Variants in KCNQ1 observed in about 807,000 individuals in gnomAD.
The protein encoded by KCNQ1 is potassium voltage-gated channel subfamily KQT member 1.
A neutral mutation model predicts 72.4 loss-of-function variants in KCNQ1; 49 were observed. The observed-to-expected ratio is 0.68, with a 90% CI of 0.54 to 0.86. The LOEUF (loss-of-function observed/expected upper bound fraction) is 0.86. Among genes scored for constraint, KCNQ1 ranks in the 40% least tolerant of loss-of-function variants. The probability of loss-of-function intolerance (pLI) is 0.00; values close to 1 mark genes in which losing one functional copy is unlikely to be tolerated. For missense variants in KCNQ1, 790 were observed against 945.1 expected (o/e 0.84, Z 2.15); for synonymous variants, 450 against 412.6 (o/e 1.09, Z -1.10).
At chr11:2,800,764 A>T (rs1417398685) in intron 15 of KCNQ1, among the ~76,000 whole-genome samples, 2 of 152,196 alleles carry the variant, frequency 1.3e-5, no homozygotes, top group African/African-American at 4.8e-5. Flanking sequence ...GGGGTTCAGG[A>T]GATCCCCATT....
In KCNQ1 at chr11:2,720,725, T is replaced by G. The variant is rs1379863488; in HGVS notation, c.1515-48119T>G. On this transcript the variant is annotated intron_variant, in intron 11 of 15. Coordinates refer to ENST00000155840, the MANE Select transcript of KCNQ1 (RefSeq NM_000218.3). The surrounding 1 kb of genome is among the most constrained non-coding windows in gnomAD (Gnocchi z 5.1). ...CTTTTGCAGGGCGGCTCCCAGAACCTAGGAGTCCATGCTACCTGTGGGGTT... is the reference window on the plus strand; with the variant it reads ...CTTTTGCAGGGCGGCTCCCAGAACCGAGGAGTCCATGCTACCTGTGGGGTT... Among the ~76,000 whole-genome samples, 1 of 152,148 alleles carries G rather than the reference T, an allele frequency of 6.6e-6. No individual in the cohort carries two copies. Among genetic ancestry groups the G allele is most frequent in the Non-Finnish European group, 1.5e-5 (1 of 68,008 alleles).
Position 2,620,005 on chromosome 11 carries a change from C to A in KCNQ1, c.1393+31151C>A. ...TAGTACCCAATAGGTAGGTTTTCAG[C>A]CCACCTCTCCATTCCTCCCCCAAGT... is the stretch of plus-strand genomic sequence containing the variant. On this transcript the variant is annotated intron_variant, in intron 10 of 15. Coordinates refer to ENST00000155840, the MANE Select transcript of KCNQ1 (RefSeq NM_000218.3). This position sits in a 1 kb window ranked among gnomAD's most constrained non-coding sequence, Gnocchi z 4.5. The A allele has an allele frequency of 2.5e-6, 1 of 397,924 alleles. No homozygotes were observed. Among genetic ancestry groups the A allele is most frequent in the Non-Finnish European group, 4.4e-6 (1 of 226,046 alleles). 24.6% of individuals were successfully genotyped at this position (397,924 alleles called of 1,614,324 possible).
intron 15 of KCNQ1, among the ~76,000 whole-genome samples, chr11:2,779,054 C>A (rs1485212250): frequency 1.3e-5 from 2 of 152,254 alleles, no homozygotes; most frequent in African/African-American, 4.8e-5. Context: ...TGTTCAGGTG[C>A]CTGGCCCCAT....
chr11:2,553,841 G>A (rs781425673), intron 2 of KCNQ1, among the ~76,000 whole-genome samples: 1 of 151,924 alleles, frequency 6.6e-6, no homozygotes, highest in African/African-American at 2.4e-5. Flanking sequence ...TCAGCCTCCC[G>A]AGTAGCTGGG....
rs1846117989 is a variant in KCNQ1 at position 2,745,172 on chromosome 11, T to C, written c.1515-23672T>C. Among the ~76,000 whole-genome samples the C allele has an allele frequency of 6.6e-6, 1 of 152,224 alleles. No individual in the cohort carries two copies. ...AACTTTAAAGTTAAGTTTATTGCATTTCTTAAAAATTTCAACTGGAAGTTT... is the reference window on the plus strand; with the variant it reads ...AACTTTAAAGTTAAGTTTATTGCATCTCTTAAAAATTTCAACTGGAAGTTT... On this transcript the variant is annotated intron_variant, in intron 11 of 15. Transcript: ENST00000155840. The surrounding 1 kb of genome is among the most constrained non-coding windows in gnomAD (Gnocchi z 6.2).
chr11:2,696,659 C>T (rs774582634), intron 11 of KCNQ1: 10 of 398,528 alleles, frequency 2.5e-5, no homozygotes, highest in Non-Finnish European at 4.4e-5. Flanking sequence ...ATCCTGACGT[C>T]ATTCTAATGC....
At chr11:2,749,649 A>AG (rs1165773389) in intron 11 of KCNQ1, among the ~76,000 whole-genome samples, 1 of 141,620 alleles carries the variant, frequency 7.1e-6, no homozygotes, top group Non-Finnish European at 1.5e-5. Flanking sequence ...TACAAAAAAA[A>AG]AAAAAAAAAA....
At chr11:2,573,326 C>T (rs1349571410) in intron 6 of KCNQ1, among the ~76,000 whole-genome samples, 1 of 152,136 alleles carries the variant, frequency 6.6e-6, no homozygotes, top group East Asian at 1.9e-4. Context: ...CTAGGTTGCC[C>T]ATTCCCTGCC....
intron 11 of KCNQ1, chr11:2,699,621 C>T: frequency 2.8e-6 from 1 of 353,844 alleles, no homozygotes; most frequent in Non-Finnish European, 5.0e-6. Flanking sequence ...CGGAGAGAAC[C>T]GCGCCGAAGA....
chr11:2,533,364 C>T (rs554268057), intron 2 of KCNQ1, among the ~76,000 whole-genome samples: 46 of 152,270 alleles, frequency 3.0e-4, no homozygotes, highest in Admixed American at 1.8e-3. Context: ...GTGAACACCA[C>T]GTCGGAAATC....
At chr11:2,685,732 G>A (rs1006273497) in intron 11 of KCNQ1, 7 of 398,582 alleles carry the variant, frequency 1.8e-5, no homozygotes, top group African/African-American at 6.2e-5. Context: ...CTGACAGTCC[G>A]CCGAAATGGC....
intron 2 of KCNQ1, among the ~76,000 whole-genome samples, chr11:2,542,129 C>T (rs1564811376): frequency 6.6e-6 from 1 of 152,256 alleles, no homozygotes; most frequent in Non-Finnish European, 1.5e-5. Flanking sequence ...TGGGTCCACA[C>T]ACGTCACCAA....
chr11:2,656,292 G>A, intron 10 of KCNQ1: 1 of 398,582 alleles, frequency 2.5e-6, no homozygotes, highest in East Asian at 3.6e-5. Context: ...CTCTAAAATG[G>A]GGGCAGTAAC....
In KCNQ1 at chr11:2,509,457, G is replaced by C. The variant is rs949205362; in HGVS notation, c.387-18471G>C. On this transcript the variant is annotated intron_variant, in intron 1 of 15. Coordinates refer to ENST00000155840, the MANE Select transcript of KCNQ1 (RefSeq NM_000218.3). The surrounding 1 kb of genome is among the most constrained non-coding windows in gnomAD (Gnocchi z 6.3). Reference sequence around the variant, plus strand: ...GGGAGGCTGGGTCTGTGCTGTGTGGGGGGTGTTTGGTGTCCTAGGAGGAGT... The same window carrying C: ...GGGAGGCTGGGTCTGTGCTGTGTGGCGGGTGTTTGGTGTCCTAGGAGGAGT... Among the ~76,000 whole-genome samples, 4 of 152,144 alleles carry C rather than the reference G, an allele frequency of 2.6e-5. No homozygotes were observed. Among genetic ancestry groups the C allele is most frequent in the East Asian group, 1.9e-4 (1 of 5,178 alleles).
At position 2,674,061 on chromosome 11, in the gene KCNQ1, G is replaced by T; in HGVS notation, c.1514+11980G>T. ...AGCCCCTCATTTGTACTTGCTGGCT[G>T]CCCCATGGGGGCTTGGGCTAGGTCT... On this transcript the variant is annotated intron_variant, in intron 11 of 15. Coordinates refer to ENST00000155840, the MANE Select transcript of KCNQ1 (RefSeq NM_000218.3). This position sits in a 1 kb window ranked among gnomAD's most constrained non-coding sequence, Gnocchi z 5.9. The T allele has an allele frequency of 2.5e-6, 1 of 398,674 alleles. No individual in the cohort carries two copies. Among genetic ancestry groups the T allele is most frequent in the Non-Finnish European group, 4.4e-6 (1 of 226,104 alleles). The allele number at this position is 398,674 out of a possible 1,614,324, so 24.7% of individuals were successfully genotyped here.
chr11:2,554,857 A>G (rs1474725847), intron 2 of KCNQ1, among the ~76,000 whole-genome samples: 1 of 152,192 alleles, frequency 6.6e-6, no homozygotes, highest in Admixed American at 6.5e-5. Flanking sequence ...ATTTCCTCTC[A>G]ATCCCTTAAA....
rs111784726 is a variant in KCNQ1, at chr11:2,575,377, G to A, written c.921+2391G>A. 1.9e-3 allele frequency among the ~76,000 whole-genome samples: 286 copies of A among 152,214 alleles called. 1 individual carries two copies. Among genetic ancestry groups the A allele is most frequent in the African/African-American group, 6.3e-3 (263 of 41,552 alleles). ...CCCTGGTCGCCCTGGGCCCCCCACC[G>A]CCCAGGGCTGTGGGGCAAACAGCTC... On this transcript the variant is annotated intron_variant, in intron 6 of 15. Coordinates refer to ENST00000155840, the MANE Select transcript of KCNQ1 (RefSeq NM_000218.3).
chr11:2,624,517 C>T lies in KCNQ1; in HGVS notation c.1393+35663C>T, dbSNP rs1589988366. 1 of 398,420 alleles carries T rather than the reference C, an allele frequency of 2.5e-6. No homozygotes were observed. Among genetic ancestry groups the T allele is most frequent in the African/African-American group, 2.1e-5 (1 of 48,722 alleles). The allele number at this position is 398,420 out of a possible 1,614,324, so 24.7% of individuals were successfully genotyped here. A position where few individuals can be genotyped will look rare whatever the true frequency, so the allele number is the denominator to read the frequency against. On this transcript the variant is annotated intron_variant, in intron 10 of 15. Coordinates refer to ENST00000155840, the MANE Select transcript of KCNQ1 (RefSeq NM_000218.3). The surrounding 1 kb of genome is among the most constrained non-coding windows in gnomAD (Gnocchi z 4.9). ...AACTAAAGATCATCTAGATTTCTTCCTATGTTATCTTCTGGGATTTCTATT... is the reference window on the plus strand; with the variant it reads ...AACTAAAGATCATCTAGATTTCTTCTTATGTTATCTTCTGGGATTTCTATT...
At position 2,675,139 on chromosome 11, in the gene KCNQ1, C is replaced by T. The variant is rs563389663; in HGVS notation, c.1514+13058C>T. The T allele has an allele frequency of 7.5e-6, 3 of 398,630 alleles. No individual in the cohort carries two copies. In the Admixed American group the frequency reaches 1.3e-4, roughly 18 times the overall value. The allele number at this position is 398,630 out of a possible 1,614,324, so 24.7% of individuals were successfully genotyped here. A position where few individuals can be genotyped will look rare whatever the true frequency, so the allele number is the denominator to read the frequency against. On this transcript the variant is annotated intron_variant, in intron 11 of 15. Transcript: ENST00000155840. The stretch of plus-strand genomic sequence containing the variant: ...GGTTCACTAGCCTCTTTCTCCCATC[C>T]TTCACCCTATTAGAGGTAGTGCTCT...
Sources: allele counts gnomAD v4.1 joint callset (sites outside exome capture counted in the v4.1 genomes callset), GRCh38; gene constraint gnomAD v4.1.1; non-coding constraint Gnocchi (gnomAD v3.1); transcripts MANE v1.5; gene names NCBI Gene and HGNC (gene_info 2026-07-23, HGNC 2026-07-21).